Variants in CLCN4 observed in about 807,000 individuals in gnomAD.
CLCN4 encodes the protein H(+)/Cl(-) exchange transporter 4.
A neutral mutation model predicts 41.7 loss-of-function variants in CLCN4; 1 was observed. That is an observed-to-expected ratio of 0.02 (90% CI 0.01 to 0.11). The LOEUF is 0.11. CLCN4 is among the 10% of genes least tolerant of loss of function. The probability of loss-of-function intolerance (pLI) is 1.00; values close to 1 mark genes in which losing one functional copy is unlikely to be tolerated. For missense variants in CLCN4, 287 were observed against 661.0 expected (o/e 0.43, Z 6.20); for synonymous variants, 277 against 285.8 (o/e 0.97, Z 0.31).
rs769438624 is a variant in CLCN4 at position 10,208,584 on chromosome X, C to T, written c.1383C>T (p.Gly461=). The change falls in exon 9 of 13, where the codon GGC becomes GGT. Residue 461 remains glycine, a synonymous_variant. Coordinates refer to ENST00000380833, the MANE Select transcript of CLCN4 (RefSeq NM_001830.4). ...FKIVVTIFTF[G]MKIPSGLFIP... ...TCGTCGTTACCATATTTACCTTTGG[C>T]ATGAAGGTAAGTGAAAGGGAAGGAA... 8.3e-7 allele frequency: 1 copy of T among 1,200,160 alleles called. No individual in the cohort carries two copies. The highest frequency in any genetic ancestry group is 1.8e-5 in the South Asian group (1 of 56,051).
At chrX:10,169,791 C>CTTTTTTTT (rs768158943) in intron 2 of CLCN4, among the ~76,000 whole-genome samples, 1 of 58,549 alleles carries the variant, frequency 1.7e-5, no homozygotes, top group Non-Finnish European at 3.1e-5. Context: ...CTTTTCTTTT[C>CTTTTTTTT]TTTTTTTTTT....
chrX:10,188,233 C>T lies in CLCN4; in HGVS notation c.244+619C>T, dbSNP rs768575591. Among the ~76,000 whole-genome samples, 6 of 112,689 alleles carry T rather than the reference C, an allele frequency of 5.3e-5. No individual in the cohort carries two copies. The East Asian group carries it at 1.1e-3, about 21-fold the overall frequency. ...CCCAGCCAAGCACACATTTTATATT[C>T]GGTTATTCTTGATTATGTAGATGAC... On this transcript the variant is annotated intron_variant, in intron 4 of 12. Transcript: ENST00000380833.
chrX:10,190,711 T>C (rs1025047089), intron 4 of CLCN4, among the ~76,000 whole-genome samples: 1 of 112,129 alleles, frequency 8.9e-6, no homozygotes, highest in Non-Finnish European at 1.9e-5. Flanking sequence ...GGAAATAGTT[T>C]TCACCATTCC....
chrX:10,184,523 C>CT (rs1356020587), intron 2 of CLCN4, among the ~76,000 whole-genome samples: 1 of 111,370 alleles, frequency 9.0e-6, no homozygotes, highest in Non-Finnish European at 1.9e-5. Context: ...CAGTTTTGTG[C>CT]TTTTTTTGTT....
chrX:10,208,308 G>A lies in CLCN4; in HGVS notation c.1107G>A (p.Pro369=), dbSNP rs755821176. The A allele has an allele frequency of 5.8e-5, 70 of 1,208,875 alleles. No homozygotes were observed. In the African/African-American group the frequency reaches 6.5e-4, roughly 11 times the overall value. The change falls in exon 9 of 13, where the codon CCG becomes CCA. Residue 369 remains proline (P), a synonymous_variant. Transcript: ENST00000380833. ...RRKTTRLGKY[P]VLEVIVVTAI... is the part of the protein sequence containing the mutation. ...AGACCACCAGGCTGGGGAAGTACCC[G>A]GTGCTGGAGGTCATTGTGGTGACTG...
intron 2 of CLCN4, among the ~76,000 whole-genome samples, chrX:10,167,667 C>T (rs1655638986): frequency 8.9e-6 from 1 of 112,489 alleles, no homozygotes; most frequent in Admixed American, 9.3e-5. Flanking sequence ...GTGGGGATGC[C>T]AGCGAGCAAG....
chrX:10,198,505 A>G (rs1924155471), intron 6 of CLCN4, among the ~76,000 whole-genome samples: 1 of 112,630 alleles, frequency 8.9e-6, no homozygotes, highest in Non-Finnish European at 1.9e-5. Flanking sequence ...TGTTGCTGTG[A>G]AAGTTCACTG....
At chrX:10,175,608 TG>T (rs1261431863) in intron 2 of CLCN4, among the ~76,000 whole-genome samples, 2 of 111,864 alleles carry the variant, frequency 1.8e-5, no homozygotes, top group Non-Finnish European at 3.8e-5. Context: ...CGTCTGACCA[TG>T]GCCTGTCTCT....
At chrX:10,204,791 A>G (rs951661582) in intron 6 of CLCN4, among the ~76,000 whole-genome samples, 1 of 110,025 alleles carries the variant, frequency 9.1e-6, no homozygotes, top group African/African-American at 3.3e-5. Context: ...TTGTAGGGGC[A>G]AACACCTTTT....
At position 10,220,875 on chromosome X, in the gene CLCN4, C is replaced by T. The variant is rs778033301; in HGVS notation, c.2190C>T (p.Ser730=). 1.2e-5 allele frequency: 14 copies of T among 1,201,150 alleles called. No individual in the cohort carries two copies. The highest frequency in any genetic ancestry group is 5.3e-5 in the African/African-American group (3 of 56,971). ...TTCGGCAGTGCCTGGTGACGCGGAGCGGGTGAGTAGCCGGACATGTGGCCA... is the reference window on the plus strand; with the variant it reads ...TTCGGCAGTGCCTGGTGACGCGGAGTGGGTGAGTAGCCGGACATGTGGCCA... The part of the protein sequence containing the change: ...LGLRQCLVTR[S]GRLLGIITKK... Residue 730 remains serine (S), a splice_region_variant and synonymous_variant, in exon 12 of 13, where the codon AGC becomes AGT. Coordinates refer to ENST00000380833, the MANE Select transcript of CLCN4 (RefSeq NM_001830.4).
chrX:10,224,293 C>CGTGTGTGTGTGTGTGTGT lies in CLCN4; in HGVS notation c.2192+3439_2192+3456dup, dbSNP rs772983564. ...AGGATTTATAGATATGGGAGGGTTC[C>CGTGTGTGTGTGTGTGTGT]GTGTGTGTGTGTGTGTGTGTGTGTG... On this transcript the variant is annotated intron_variant, in intron 12 of 12. Transcript: ENST00000380833. Among the ~76,000 whole-genome samples the CGTGTGTGTGTGTGTGTGT allele has an allele frequency of 4.2e-4, 37 of 87,904 alleles. 2 individuals carry two copies. Among genetic ancestry groups the CGTGTGTGTGTGTGTGTGT allele is most frequent in the African/African-American group, 1.5e-3 (35 of 23,275 alleles). The allele number at this position is 87,904 out of a possible 115,157, so 76.3% of individuals were successfully genotyped here.
At chrX:10,201,272 G>A (rs1411865974) in intron 6 of CLCN4, among the ~76,000 whole-genome samples, 3 of 111,776 alleles carry the variant, frequency 2.7e-5, no homozygotes, top group Admixed American at 9.5e-5. Context: ...ATGGGTACTC[G>A]CTTTTATTAG....
At chrX:10,211,047 C>G (rs1264578266) in intron 9 of CLCN4, among the ~76,000 whole-genome samples, 1 of 103,112 alleles carries the variant, frequency 9.7e-6, no homozygotes, top group East Asian at 3.1e-4. Flanking sequence ...GGGTGGATCA[C>G]TTGAGGTCAG....
rs1158662951 is a variant in CLCN4, at chrX:10,158,369, C to T, written c.-194C>T. The T allele has an allele frequency of 6.8e-6, 2 of 294,852 alleles. No homozygotes were observed. Among genetic ancestry groups the T allele is most frequent in the Admixed American group, 6.1e-5 (1 of 16,464 alleles). 24.3% of individuals were successfully genotyped at this position (294,852 alleles called of 1,213,427 possible). A position where few individuals can be genotyped will look rare whatever the true frequency, so the allele number is the denominator to read the frequency against. On this transcript the variant is annotated 5_prime_UTR_variant, in exon 2 of 13. Coordinates refer to ENST00000380833, the MANE Select transcript of CLCN4 (RefSeq NM_001830.4). ...TTTCTGGCCATCGACCCTCACCTCC[C>T]GGGACTTCCAGGGTCTTCCCCCCAC...
chrX:10,175,880 C>T lies in CLCN4; in HGVS notation c.-11-9142C>T, dbSNP rs775529448. ...CCTCTCTCTCTCTCTCTCCCACCCT[C>T]TCTCTCTCTTTCTCTCTCTCTCTCC... On this transcript the variant is annotated intron_variant, in intron 2 of 12. Transcript: ENST00000380833. Among the ~76,000 whole-genome samples the T allele has an allele frequency of 1.5e-4, 16 of 106,391 alleles. No individual in the cohort carries two copies. In the East Asian group the frequency reaches 4.6e-3, roughly 30 times the overall value. The allele number at this position is 106,391 out of a possible 115,157, so 92.4% of individuals were successfully genotyped here.
intron 6 of CLCN4, among the ~76,000 whole-genome samples, chrX:10,198,826 G>A (rs1432064838): frequency 8.9e-6 from 1 of 112,109 alleles, no homozygotes; most frequent in Non-Finnish European, 1.9e-5. Context: ...AAAAGTTCTG[G>A]TATTATCACT....
At chrX:10,200,054 T>A (rs1602152866) in intron 6 of CLCN4, among the ~76,000 whole-genome samples, 1 of 112,280 alleles carries the variant, frequency 8.9e-6, no homozygotes, top group East Asian at 2.8e-4. Flanking sequence ...CCTGGCCTTC[T>A]TGTTTTTTTA....
intron 2 of CLCN4, among the ~76,000 whole-genome samples, chrX:10,163,701 C>T (rs1477068081): frequency 3.6e-5 from 4 of 112,244 alleles, no homozygotes; most frequent in Admixed American, 1.9e-4. Context: ...CCACTGCTCC[C>T]GGCCCCTTAA....
chrX:10,178,834 AAAC>A (rs985478866), intron 2 of CLCN4, among the ~76,000 whole-genome samples: 16 of 112,039 alleles, frequency 1.4e-4, no homozygotes, highest in African/African-American at 4.2e-4. Context: ...AACAAACAAA[AAAC>A]AACAAAAACA....
Sources: allele counts gnomAD v4.1 joint callset (sites outside exome capture counted in the v4.1 genomes callset), GRCh38; gene constraint gnomAD v4.1.1; transcripts MANE v1.5; gene names NCBI Gene and HGNC (gene_info 2026-07-23, HGNC 2026-07-21).